MKLN1: variants seen among roughly 807,000 people sequenced by gnomAD.
MKLN1 encodes muskelin.
A neutral mutation model predicts 99.0 loss-of-function variants in MKLN1; 18 were observed. The ratio of observed to expected loss-of-function variants is 0.18; its 90% CI spans 0.13 to 0.27. MKLN1 has a LOEUF of 0.27. Among genes scored for constraint, MKLN1 ranks in the 10% least tolerant of loss-of-function variants. The pLI, the probability that MKLN1 is intolerant of heterozygous loss-of-function variation, is 1.00. For synonymous variants in MKLN1, 288 were observed against 293.2 expected, an observed-to-expected ratio of 0.98 and a Z score of 0.18; for missense variants, 621 against 875.9, an observed-to-expected ratio of 0.71 and a Z score of 3.67.
intron 12 of MKLN1, among the ~76,000 whole-genome samples, chr7:131,453,679 G>A (rs1796250843): frequency 6.6e-6 from 1 of 151,904 alleles, no homozygotes; most frequent in Non-Finnish European, 1.5e-5. Flanking sequence ...ATTAAGAGAA[G>A]ACCCTTCTAA....
At position 131,375,457 on chromosome 7, in the gene MKLN1, T is replaced by G; in HGVS notation, c.132T>G (p.Ser44=). 1 of 1,611,722 alleles carries G rather than the reference T, an allele frequency of 6.2e-7. No individual in the cohort carries two copies. Among genetic ancestry groups the G allele is most frequent in the Non-Finnish European group, 8.5e-7 (1 of 1,178,000 alleles). ...TAGTGGACAAACCAAATGACCAATCTTCAAGATGGTCTTCAGAGAGCAACT... is the reference window on the plus strand; with the variant it reads ...TAGTGGACAAACCAAATGACCAATCGTCAAGATGGTCTTCAGAGAGCAACT... ...NILVDKPNDQ[S]SRWSSESNYP... Residue 44 remains serine, a synonymous_variant, in exon 2 of 18, where the codon TCT becomes TCG. Transcript: ENST00000352689.
intron 3 of MKLN1, among the ~76,000 whole-genome samples, chr7:131,243,275 C>T (rs775651431): frequency 2.0e-5 from 3 of 152,114 alleles, no homozygotes; most frequent in African/African-American, 4.8e-5. Flanking sequence ...TATGTCTAGC[C>T]ATGTCACAAA....
intron 1 of MKLN1, among the ~76,000 whole-genome samples, chr7:131,125,789 G>C (rs1448573363): frequency 6.6e-6 from 1 of 152,030 alleles, no homozygotes; most frequent in African/African-American, 2.4e-5. Context: ...AGAATCACGA[G>C]GTCAGGAGAT....
At chr7:131,343,978 A>G (rs896767246) in intron 1 of MKLN1, among the ~76,000 whole-genome samples, 1 of 152,162 alleles carries the variant, frequency 6.6e-6, no homozygotes, top group South Asian at 2.1e-4. Flanking sequence ...TTTTTTAATG[A>G]TATAGAGAAA....
intron 2 of MKLN1, among the ~76,000 whole-genome samples, chr7:131,168,686 C>A (rs1796171439): frequency 6.6e-6 from 1 of 151,742 alleles, no homozygotes; most frequent in African/African-American, 2.4e-5. Flanking sequence ...GCCAGTTAAG[C>A]CTTTATGTAT....
chr7:131,247,457 G>T (rs949279125), intron 3 of MKLN1, among the ~76,000 whole-genome samples: 1 of 152,038 alleles, frequency 6.6e-6, no homozygotes, highest in Admixed American at 6.6e-5. Context: ...CTTGTGATCT[G>T]CCTGCCTGGG....
At chr7:131,158,378 G>T (rs778428914) in intron 2 of MKLN1, among the ~76,000 whole-genome samples, 1 of 152,182 alleles carries the variant, frequency 6.6e-6, no homozygotes, top group Non-Finnish European at 1.5e-5. Context: ...ATGTTGCAGT[G>T]AGCTGAGGTC....
chr7:131,302,803 A>C (rs1475310744), intron 3 of MKLN1, among the ~76,000 whole-genome samples: 1 of 152,212 alleles, frequency 6.6e-6, no homozygotes, highest in African/African-American at 2.4e-5. Flanking sequence ...AAGTGCAGTA[A>C]CTTATAATTT....
chr7:131,357,046 C>G (rs1283771901), intron 1 of MKLN1, among the ~76,000 whole-genome samples: 1 of 152,180 alleles, frequency 6.6e-6, no homozygotes, highest in East Asian at 1.9e-4. Context: ...TTACCCTATT[C>G]TTACTGTATT....
intron 2 of MKLN1, among the ~76,000 whole-genome samples, chr7:131,163,830 A>C (rs569242884): frequency 1.3e-5 from 2 of 152,318 alleles, no homozygotes; most frequent in South Asian, 4.1e-4. Flanking sequence ...ATGCTATGAC[A>C]ATTTTATTTG....
chr7:131,403,105 C>T (rs372999275), intron 6 of MKLN1, among the ~76,000 whole-genome samples: 1 of 152,162 alleles, frequency 6.6e-6, no homozygotes, highest in Non-Finnish European at 1.5e-5. Flanking sequence ...GTTTTGTCTA[C>T]ATTGAAAATC....
chr7:131,235,591 C>T (rs565906130), intron 3 of MKLN1, among the ~76,000 whole-genome samples: 6 of 152,174 alleles, frequency 3.9e-5, no homozygotes, highest in Non-Finnish European at 5.9e-5. Flanking sequence ...TTCTACATTC[C>T]GGAAAGGAAA....
intron 16 of MKLN1, chr7:131,478,357 C>T: frequency 2.8e-6 from 1 of 352,600 alleles, no homozygotes. Flanking sequence ...TTAATAAGTA[C>T]ATACTTTAAT....
At chr7:131,286,816 C>T (rs1201006423) in intron 3 of MKLN1, among the ~76,000 whole-genome samples, 1 of 152,178 alleles carries the variant, frequency 6.6e-6, no homozygotes, top group Non-Finnish European at 1.5e-5. Flanking sequence ...CCAAAAGGAG[C>T]CCCAATGGGC....
chr7:131,286,900 G>A (rs1234726307), intron 3 of MKLN1, among the ~76,000 whole-genome samples: 1 of 152,208 alleles, frequency 6.6e-6, no homozygotes, highest in Non-Finnish European at 1.5e-5. Context: ...GAGGCCAGGA[G>A]TTTGAGACCA....
chr7:131,462,011 T>G (rs1472781227), intron 12 of MKLN1, among the ~76,000 whole-genome samples: 1 of 152,114 alleles, frequency 6.6e-6, no homozygotes, highest in Non-Finnish European at 1.5e-5. Flanking sequence ...AAATGGCATA[T>G]TATACCCCAG....
At chr7:131,188,376 T>C (rs1370684277) in intron 2 of MKLN1, among the ~76,000 whole-genome samples, 1 of 152,264 alleles carries the variant, frequency 6.6e-6, no homozygotes, top group Non-Finnish European at 1.5e-5. Flanking sequence ...GAGGTTCTGC[T>C]GATCTGGGCT....
chr7:131,457,616 A>G (rs756602384), intron 12 of MKLN1, among the ~76,000 whole-genome samples: 1 of 152,198 alleles, frequency 6.6e-6, no homozygotes, highest in Non-Finnish European at 1.5e-5. Flanking sequence ...CCAGAAGGAA[A>G]GAAAAATAAA....
At chr7:131,408,747 C>A (rs968568810) in intron 6 of MKLN1, among the ~76,000 whole-genome samples, 1 of 152,122 alleles carries the variant, frequency 6.6e-6, no homozygotes, top group Non-Finnish European at 1.5e-5. Flanking sequence ...AGGTGTGAGC[C>A]ACCAGGCTGG....
Sources: allele counts gnomAD v4.1 joint callset (sites outside exome capture counted in the v4.1 genomes callset), GRCh38; gene constraint gnomAD v4.1.1; transcripts MANE v1.5; gene names NCBI Gene and HGNC (gene_info 2026-07-23, HGNC 2026-07-21).